The following PPFIBP1 variants were observed in gnomAD, a reference collection of about 807,000 sequenced individuals.
PPFIBP1 encodes the protein liprin-beta-1.
Under a neutral mutation model 137.8 loss-of-function variants are expected in PPFIBP1, and 112 were observed. The observed-to-expected ratio is 0.81, with a 90% confidence interval of 0.70 to 0.95. The LOEUF is 0.95. PPFIBP1 is among the 40% of genes least tolerant of loss of function. The pLI is 0.00. For synonymous variants in PPFIBP1, 378 were observed against 417.3 expected, an observed-to-expected ratio of 0.91 and a Z score of 1.15; for missense variants, 1,083 against 1,196.6, an observed-to-expected ratio of 0.91 and a Z score of 1.40.
chr12:27,549,733 T>C (rs747306464), intron 1 of PPFIBP1, among the ~76,000 whole-genome samples: 5 of 152,286 alleles, frequency 3.3e-5, no homozygotes, highest in African/African-American at 4.8e-5. Context: ...CCTAGGAAAG[T>C]GGCAGTTCCA....
intron 13 of PPFIBP1, among the ~76,000 whole-genome samples, chr12:27,669,694 A>C (rs1396108837): frequency 6.6e-6 from 1 of 152,246 alleles, no homozygotes; most frequent in Non-Finnish European, 1.5e-5. Context: ...AGGATTCATC[A>C]TAAAGATTCA....
intron 1 of PPFIBP1, chr12:27,548,654 C>T (rs1946461413): frequency 6.6e-6 from 1 of 152,144 alleles, no homozygotes; most frequent in Non-Finnish European, 1.5e-5. Context: ...CATTTTCTGC[C>T]TTCTAGTAAG....
intron 8 of PPFIBP1, chr12:27,655,291 GT>G (rs2059128789): frequency 8.2e-7 from 1 of 1,214,358 alleles, no homozygotes; most frequent in Non-Finnish European, 1.2e-6. Context: ...GGCTTGTGTT[GT>G]TTTGCTGTGA....
At position 27,656,366 on chromosome 12, in the gene PPFIBP1, G is replaced by A. The variant is rs1425227156; in HGVS notation, c.697-250G>A. 6.6e-5 allele frequency among the ~76,000 whole-genome samples: 10 copies of A among 152,200 alleles called. No homozygotes were observed. The East Asian group carries it at 1.3e-3, about 21-fold the overall frequency. ...TCCCATCCCTAATTACTCTTTAAAA[G>A]ATCTCTTTTTAATTTGATTACAAAG... On this transcript the variant is annotated intron_variant, in intron 8 of 29. Transcript: ENST00000228425.
intron 27 of PPFIBP1, among the ~76,000 whole-genome samples, chr12:27,689,463 A>G (rs2061392018): frequency 6.6e-6 from 1 of 152,174 alleles, no homozygotes; most frequent in Non-Finnish European, 1.5e-5. Context: ...GAAGAAGTAC[A>G]GGGGCTGATC....
chr12:27,646,989 A>G (rs1468754002), intron 5 of PPFIBP1, among the ~76,000 whole-genome samples: 2 of 152,070 alleles, frequency 1.3e-5, no homozygotes, highest in African/African-American at 4.8e-5. Context: ...ATGGAATTTG[A>G]ATTCCCTGGG....
intron 2 of PPFIBP1, among the ~76,000 whole-genome samples, chr12:27,598,538 CTGTGTG>C (rs71039825): frequency 5.2e-4 from 79 of 150,838 alleles, no homozygotes; most frequent in African/African-American, 1.1e-3. Context: ...TCTCTATAAT[CTGTGTG>C]TGTGTGTGTG....
chr12:27,675,169 T>G (rs1012767463), intron 17 of PPFIBP1, among the ~76,000 whole-genome samples: 5 of 152,218 alleles, frequency 3.3e-5, no homozygotes, highest in Middle Eastern at 6.8e-3. Context: ...TCATTAACCT[T>G]GTGAAGATTA....
intron 2 of PPFIBP1, among the ~76,000 whole-genome samples, chr12:27,624,716 CTG>C (rs1481792903): frequency 1.3e-5 from 2 of 152,174 alleles, no homozygotes; most frequent in African/African-American, 4.8e-5. Context: ...TTACAATCCT[CTG>C]TGAGTGGCTG....
At chr12:27,537,154 C>T (rs987499671) in intron 1 of PPFIBP1, among the ~76,000 whole-genome samples, 7 of 151,488 alleles carry the variant, frequency 4.6e-5, no homozygotes, top group Non-Finnish European at 7.4e-5. Context: ...TTTTTTGAGA[C>T]GGAGTCTCTC....
chr12:27,648,831 G>A (rs1311770627), intron 6 of PPFIBP1, among the ~76,000 whole-genome samples: 1 of 151,582 alleles, frequency 6.6e-6, no homozygotes, highest in Non-Finnish European at 1.5e-5. Context: ...GAGTAGAGGG[G>A]TGGTTACCAT....
At chr12:27,578,606 GA>G (rs540141820) in intron 2 of PPFIBP1, among the ~76,000 whole-genome samples, 400 of 152,276 alleles carry the variant, frequency 2.6e-3, no homozygotes, top group African/African-American at 8.9e-3. Context: ...ACACCAGCGA[GA>G]ATTGCTAGTT....
chr12:27,574,699 A>G (rs899161286), intron 1 of PPFIBP1, among the ~76,000 whole-genome samples: 4 of 152,198 alleles, frequency 2.6e-5, no homozygotes, highest in Admixed American at 6.5e-5. Context: ...AATGGAAAGT[A>G]TTATCAACGT....
At chr12:27,585,582 A>G (rs938156029) in intron 2 of PPFIBP1, among the ~76,000 whole-genome samples, 3 of 152,260 alleles carry the variant, frequency 2.0e-5, no homozygotes, top group African/African-American at 7.2e-5. Flanking sequence ...GCATGCAAAG[A>G]TAAGCAGAAC....
chr12:27,584,527 G>A (rs1238645387), intron 2 of PPFIBP1: 1 of 152,200 alleles, frequency 6.6e-6, no homozygotes, highest in African/African-American at 2.4e-5. Context: ...GCAAATTTTA[G>A]CAGGTGGGCC....
At chr12:27,526,252 CT>C (rs1943739400) in intron 1 of PPFIBP1, among the ~76,000 whole-genome samples, 1 of 152,176 alleles carries the variant, frequency 6.6e-6, no homozygotes. Flanking sequence ...GGATGTTATC[CT>C]TATGTGCCAA....
chr12:27,657,613 C>G (rs1799268153), intron 9 of PPFIBP1, among the ~76,000 whole-genome samples: 1 of 151,932 alleles, frequency 6.6e-6, no homozygotes. Flanking sequence ...CTTCTTGGCT[C>G]TAGAATACCA....
intron 1 of PPFIBP1, chr12:27,552,552 A>G (rs1946879013): frequency 6.6e-6 from 1 of 152,226 alleles, no homozygotes; most frequent in South Asian, 2.1e-4. Flanking sequence ...ACTCACTGTT[A>G]TGTACCAGAG....
chr12:27,544,879 A>G (rs1215547922), intron 1 of PPFIBP1, among the ~76,000 whole-genome samples: 4 of 152,240 alleles, frequency 2.6e-5, no homozygotes, highest in Non-Finnish European at 5.9e-5. Context: ...CAATCCCATT[A>G]CTGGGTATAT....
Sources: gnomAD v4.1 joint callset for allele counts (sites outside exome capture counted in the v4.1 genomes callset) on GRCh38, gnomAD v4.1.1 for gene constraint, MANE v1.5 for transcripts, NCBI Gene and HGNC (gene_info 2026-07-23, HGNC 2026-07-21) for gene names.